Variants in NRN1 observed in about 807,000 individuals in gnomAD.
The protein encoded by NRN1 is neuritin 1.
Under a neutral mutation model 15.0 loss-of-function variants are expected in NRN1, and 4 were observed. The ratio of observed to expected loss-of-function variants is 0.27; its 90% confidence interval spans 0.13 to 0.61. NRN1 has a LOEUF of 0.61. Among genes scored for constraint, NRN1 ranks in the 20% least tolerant of loss-of-function variants. The pLI is 0.87. For missense variants in NRN1, 134 were observed against 181.9 expected (o/e 0.74, Z 1.51); for synonymous variants, 85 against 79.8 (o/e 1.07, Z -0.35).
Position 6,004,049 on chromosome 6 carries a change from C to G in NRN1, c.56-1552G>C, listed in dbSNP as rs1758041569. 8 of 1,161,304 alleles carry G rather than the reference C, an allele frequency of 6.9e-6. No individual in the cohort carries two copies. The East Asian group carries it at 3.2e-4, about 46-fold the overall frequency. The allele number at this position is 1,161,304 out of a possible 1,614,324, so 71.9% of individuals were successfully genotyped here. On this transcript the variant is annotated intron_variant, in intron 1 of 2. Transcript: ENST00000244766. ...AGGAAGGTGACCGAACCCGTAGCAG[C>G]TTCCGAGAGCGTACCCGTTTGCAAA...
intron 1 of NRN1, 66 bp from the exon 2 acceptor site, chr6:6,002,563 C>G: frequency 1.9e-6 from 3 of 1,567,032 alleles, no homozygotes; most frequent in Non-Finnish European, 2.6e-6. Flanking sequence ...CTGCCCTTTC[C>G]TGCGAGACCC....
At position 6,003,180 on chromosome 6, in the gene NRN1, T is replaced by C. The variant is rs948178115; in HGVS notation, c.56-683A>G. ...AACCGATTGCCTACCGTGGACTCTGTATTCCGAGTGAGACCCTCGGATGCA... is the reference window on the plus strand; with the variant it reads ...AACCGATTGCCTACCGTGGACTCTGCATTCCGAGTGAGACCCTCGGATGCA... On this transcript the variant is annotated intron_variant, in intron 1 of 2. Transcript: ENST00000244766. The C allele has an allele frequency of 7.5e-5, 93 of 1,233,990 alleles. No homozygotes were observed. The African/African-American group carries it at 1.3e-3, about 17-fold the overall frequency. 76.4% of individuals were successfully genotyped at this position (1,233,990 alleles called of 1,614,324 possible). A position where few individuals can be genotyped will look rare whatever the true frequency, so the allele number is the denominator to read the frequency against.
intron 1 of NRN1, among the ~76,000 whole-genome samples, chr6:6,004,950 T>C (rs781622102): frequency 1.4e-5 from 2 of 141,170 alleles, no homozygotes; most frequent in Non-Finnish European, 3.1e-5. Flanking sequence ...TCTTGCCAAA[T>C]GTCAATGATT....
intron 2 of NRN1, among the ~76,000 whole-genome samples, chr6:6,000,803 T>C (rs1306715704): frequency 7.8e-6 from 1 of 128,252 alleles, no homozygotes; most frequent in Non-Finnish European, 1.6e-5. Flanking sequence ...AAGGATAGAC[T>C]CCACCTGGGG....
At chr6:6,005,666 T>A (rs952288774) in intron 1 of NRN1, among the ~76,000 whole-genome samples, 3 of 152,232 alleles carry the variant, frequency 2.0e-5, no homozygotes, top group Admixed American at 1.3e-4. Context: ...CAGCCTGAAC[T>A]GATAGGAGGT....
rs1032871312 is a variant in NRN1, at chr6:5,998,964, C to G, written c.*12G>C. The G allele has an allele frequency of 1.3e-6, 2 of 1,594,456 alleles. No individual in the cohort carries two copies. The highest frequency in any genetic ancestry group is 1.7e-5 in the Admixed American group (1 of 58,838). The stretch of plus-strand genomic sequence containing the variant: ...AGTGTGGGTGGGCGCGCGGGGGGAG[C>G]TGGCCCCACGCTCAGAAGGAAAGCC... On this transcript the variant is annotated 3_prime_UTR_variant, in exon 3 of 3. Coordinates refer to ENST00000244766, the MANE Select transcript of NRN1 (RefSeq NM_016588.3).
chr6:6,001,930 G>A (rs1757957440), intron 2 of NRN1, among the ~76,000 whole-genome samples: 1 of 152,238 alleles, frequency 6.6e-6, no homozygotes, highest in South Asian at 2.1e-4. Flanking sequence ...CTGTTCTTCA[G>A]AGAACACCTG....
chr6:6,003,653 C>CAA, intron 1 of NRN1: 1 of 1,183,792 alleles, frequency 8.4e-7, no homozygotes, highest in Non-Finnish European at 1.1e-6. Flanking sequence ...CCCAAGCCCC[C>CAA]GGCCTCTGGA....
At position 5,998,743 on chromosome 6, in the gene NRN1, G is replaced by T; in HGVS notation, c.*233C>A. On this transcript the variant is annotated 3_prime_UTR_variant, in exon 3 of 3. Transcript: ENST00000244766. ...TTGTGTGTGAAGACGGACTAAAGCTGAGGTCCGATTTTGGCTGTGCTTGCT... is the reference window on the plus strand; with the variant it reads ...TTGTGTGTGAAGACGGACTAAAGCTTAGGTCCGATTTTGGCTGTGCTTGCT... 1 of 509,726 alleles carries T rather than the reference G, an allele frequency of 2.0e-6. No individual in the cohort carries two copies. The highest frequency in any genetic ancestry group is 3.5e-6 in the Non-Finnish European group (1 of 286,812). 31.6% of individuals were successfully genotyped at this position (509,726 alleles called of 1,614,324 possible).
chr6:6,005,684 C>A (rs1336382159), intron 1 of NRN1, among the ~76,000 whole-genome samples: 3 of 152,218 alleles, frequency 2.0e-5, no homozygotes, highest in African/African-American at 7.2e-5. Context: ...GGTAACAATT[C>A]CGTTTCAGGA....
intron 1 of NRN1, 78 bp from the exon 2 acceptor site, chr6:6,002,575 G>A (rs1757983586): frequency 1.3e-6 from 2 of 1,542,344 alleles, no homozygotes; most frequent in Non-Finnish European, 1.7e-6. Flanking sequence ...GCGAGACCCT[G>A]GCTCCGCGCG....
Position 5,998,096 on chromosome 6 carries a change from T to A in NRN1, c.*880A>T, listed in dbSNP as rs1262291496. 8.3e-6 allele frequency: 1 copy of A among 120,354 alleles called. No homozygotes were observed. The highest frequency in any genetic ancestry group is 7.6e-5 in the Admixed American group (1 of 13,220). The allele number at this position is 120,354 out of a possible 1,614,324, so 7.5% of individuals were successfully genotyped here. On this transcript the variant is annotated 3_prime_UTR_variant, in exon 3 of 3. Coordinates refer to ENST00000244766, the MANE Select transcript of NRN1 (RefSeq NM_016588.3). ...TAATAAACTTTTTAAATTACATCTC[T>A]CTCTCTTTTTTTTTTAAAATCAAGG...
rs896614493 is a variant in NRN1 at position 6,002,854 on chromosome 6, C to T, written c.56-357G>A. On this transcript the variant is annotated intron_variant, in intron 1 of 2. Transcript: ENST00000244766. ...CCTCATCCCTTTTATTTCTCTTTCT[C>T]CTCGCTCCCTCCTTCGTCTCCCAAC... The T allele has an allele frequency of 5.0e-5, 19 of 379,670 alleles. No homozygotes were observed. In the Admixed American group the frequency reaches 7.4e-4, roughly 15 times the overall value. The allele number at this position is 379,670 out of a possible 1,614,324, so 23.5% of individuals were successfully genotyped here.
intron 1 of NRN1, 124 bp downstream of exon 1, chr6:6,006,571 C>T: frequency 1.2e-6 from 1 of 836,152 alleles, no homozygotes. Flanking sequence ...CCCCCACCCT[C>T]GGGGGATTGC....
upstream of NRN1, among the ~76,000 whole-genome samples, chr6:6,007,155 C>A (rs1205287466): frequency 1.3e-5 from 2 of 152,018 alleles, no homozygotes; most frequent in South Asian, 2.1e-4. Flanking sequence ...AATTAATGTG[C>A]GATCTGAACG....
At position 6,003,566 on chromosome 6, in the gene NRN1, C is replaced by T. The variant is rs1351157475; in HGVS notation, c.56-1069G>A. On this transcript the variant is annotated intron_variant, in intron 1 of 2. Transcript: ENST00000244766. The stretch of plus-strand genomic sequence containing the variant: ...CTCAGGACTCCCTGCAGAGAGCAGG[C>T]AGGGATAAAAGCTGAGCGGCGGGAG... The T allele has an allele frequency of 5.1e-6, 3 of 587,106 alleles. No individual in the cohort carries two copies. The African/African-American group carries it at 5.8e-5, about 11-fold the overall frequency. 36.4% of individuals were successfully genotyped at this position (587,106 alleles called of 1,614,324 possible).
chr6:6,001,631 A>G (rs928957987), intron 2 of NRN1, among the ~76,000 whole-genome samples: 1 of 152,218 alleles, frequency 6.6e-6, no homozygotes, highest in Non-Finnish European at 1.5e-5. Flanking sequence ...GGAAACAAGG[A>G]GAGTGCCTAT....
chr6:6,002,689 C>G, intron 1 of NRN1, 192 bp from the exon 2 acceptor site: 1 of 713,550 alleles, frequency 1.4e-6, no homozygotes, highest in African/African-American at 1.8e-5. Flanking sequence ...CTGCAGCTAA[C>G]GCTGCGTCTA....
chr6:6,003,334 C>T, intron 1 of NRN1: 2 of 996,956 alleles, frequency 2.0e-6, no homozygotes, highest in South Asian at 1.0e-4. Flanking sequence ...GGGTCACCTC[C>T]GCAAAGGCCA....
Sources: gnomAD v4.1 joint callset for allele counts (sites outside exome capture counted in the v4.1 genomes callset) on GRCh38, gnomAD v4.1.1 for gene constraint, MANE v1.5 for transcripts, NCBI Gene and HGNC (gene_info 2026-07-23, HGNC 2026-07-21) for gene names.